RASSF4: variants seen among roughly 807,000 people sequenced by gnomAD.
RASSF4 encodes Ras association domain family member 4.
In RASSF4, 38 loss-of-function variants were observed where a neutral mutation model predicts 41.1. That is an observed-to-expected ratio of 0.92 (90% CI 0.71 to 1.21). RASSF4 has a LOEUF of 1.21. RASSF4 is among the 50% of genes most tolerant of loss of function. The pLI is 0.00. For missense variants in RASSF4, 414 were observed against 419.4 expected (o/e 0.99, Z 0.11); for synonymous variants, 179 against 163.4 (o/e 1.10, Z -0.73).
intron 7 of RASSF4, 61 bp downstream of exon 7, chr10:44,989,436 G>C: frequency 1.6e-6 from 2 of 1,285,336 alleles, no homozygotes; most frequent in South Asian, 2.5e-5. Flanking sequence ...TCTGTTGGGG[G>C]TGGGGTTCTG....
At chr10:44,961,798 G>C (rs1477486859) in intron 1 of RASSF4, among the ~76,000 whole-genome samples, 4 of 152,248 alleles carry the variant, frequency 2.6e-5, no homozygotes, top group Non-Finnish European at 5.9e-5. Flanking sequence ...TCACAGAGCA[G>C]AGCTTTAAAC....
rs376487459 is a variant in RASSF4, at chr10:44,966,302, G to T, written c.-38-3863G>T. Among the ~76,000 whole-genome samples, 5 of 152,264 alleles carry T rather than the reference G, an allele frequency of 3.3e-5. No homozygotes were observed. The East Asian group carries it at 7.7e-4, about 24-fold the overall frequency. On this transcript the variant is annotated intron_variant, in intron 1 of 10. Transcript: ENST00000340258. ...GTGTTCCTACTACATATGGCAAAAT[G>T]AACTTCTTCCCCACACACTATAGGA...
At chr10:44,981,926 T>TGG (rs1841723208) in intron 3 of RASSF4, 1 of 152,712 alleles carries the variant, frequency 6.5e-6, no homozygotes, top group East Asian at 1.9e-4. Context: ...TTGTAGAAAT[T>TGG]CTGGTATGGG....
At chr10:44,969,490 A>G (rs1363578021) in intron 1 of RASSF4, among the ~76,000 whole-genome samples, 1 of 152,186 alleles carries the variant, frequency 6.6e-6, no homozygotes, top group East Asian at 1.9e-4. Context: ...AATATAGAGA[A>G]GGTACTAAGA....
intron 4 of RASSF4, chr10:44,983,268 C>A (rs533104565): frequency 1.5e-5 from 4 of 262,358 alleles, no homozygotes; most frequent in Non-Finnish European, 3.0e-5. Context: ...AGAGCTTTGC[C>A]CCCTTCAGAT....
intron 1 of RASSF4, among the ~76,000 whole-genome samples, chr10:44,962,203 C>T (rs1477133162): frequency 3.3e-5 from 5 of 152,242 alleles, no homozygotes; most frequent in Non-Finnish European, 4.4e-5. Context: ...GTTAATGCCA[C>T]AGCAAAACTC....
chr10:44,965,897 G>A (rs1480817470), intron 1 of RASSF4, among the ~76,000 whole-genome samples: 1 of 152,192 alleles, frequency 6.6e-6, no homozygotes, highest in African/African-American at 2.4e-5. Context: ...CATGGCCGGA[G>A]ACACTCAACA....
At chr10:44,977,933 G>T in intron 3 of RASSF4, 1 of 1,612,620 alleles carries the variant, frequency 6.2e-7, no homozygotes, top group Non-Finnish European at 8.5e-7. Context: ...GCTAGGAGAG[G>T]GTGGGGGCTC....
rs1296715792 is a variant in RASSF4 at position 44,982,543 on chromosome 10, AG to A, written c.165del (p.Leu56SerfsTer8). ...CAGGAAGAAGGGACTCTGATCATCG[AG>A]GGGCTCCTCAACATTGCCTGGGGGC... ...HREEEGTLIIEGLLNIAWGLR... is the reference protein window; with the variant it reads ...HREEEGTLIIXGLLNIAWGLR... On this transcript the variant is annotated frameshift_variant, in exon 4 of 11. Transcript: ENST00000340258. LOFTEE classifies it high-confidence loss of function. 1 of 1,611,964 alleles carries A rather than the reference AG, an allele frequency of 6.2e-7. No homozygotes were observed. The highest frequency in any genetic ancestry group is 1.7e-5 in the Admixed American group (1 of 59,530).
chr10:44,970,053 C>T (rs926967445), intron 1 of RASSF4, 112 bp from the exon 2 acceptor site: 16 of 688,586 alleles, frequency 2.3e-5, no homozygotes, highest in South Asian at 1.3e-4. Context: ...TGTGCCAAGG[C>T]GGTGTGATGC....
Position 44,984,892 on chromosome 10 carries a change from C to T in RASSF4, c.453C>T (p.Pro151=), listed in dbSNP as rs1401244471. Residue 151 remains proline (P), a synonymous_variant, in exon 6 of 11, where the codon CCC becomes CCT. Coordinates refer to ENST00000340258, the MANE Select transcript of RASSF4 (RefSeq NM_032023.4). ...SDASCMSQRR[P]KCRAPGEAQR... Reference sequence around the variant, plus strand: ...CCAGTTGCATGAGCCAGAGGAGGCCCAAGTGCCGCGCCCCCGGTGAGGCCC... The same window carrying T: ...CCAGTTGCATGAGCCAGAGGAGGCCTAAGTGCCGCGCCCCCGGTGAGGCCC... The T allele has an allele frequency of 6.2e-7, 1 of 1,613,490 alleles. No homozygotes were observed. Among genetic ancestry groups the T allele is most frequent in the Non-Finnish European group, 8.5e-7 (1 of 1,180,042 alleles).
At chr10:44,971,643 T>C (rs776770453) in intron 2 of RASSF4, 130 bp from the exon 3 acceptor site, 1 of 789,812 alleles carries the variant, frequency 1.3e-6, no homozygotes, top group Non-Finnish European at 2.3e-6. Context: ...CCTCTGGTTA[T>C]GCCTGGCCGG....
At position 44,995,801 on chromosome 10, in the gene RASSF4, T is replaced by C. The variant is rs1588857329; in HGVS notation, c.*2472T>C. On this transcript the variant is annotated 3_prime_UTR_variant, in exon 11 of 11. Coordinates refer to ENST00000340258, the MANE Select transcript of RASSF4 (RefSeq NM_032023.4). ...ACTGGTTCCTGTGGGGAGCTCCCGC[T>C]TTCTTTCTACATAGAGCTTAGGGTA... is the stretch of plus-strand genomic sequence containing the variant. 1 of 152,198 alleles carries C rather than the reference T, an allele frequency of 6.6e-6. No homozygotes were observed. The highest frequency in any genetic ancestry group is 1.9e-4 in the East Asian group (1 of 5,196). 9.4% of individuals were successfully genotyped at this position (152,198 alleles called of 1,614,324 possible).
intron 4 of RASSF4, chr10:44,982,907 A>G: frequency 1.4e-6 from 1 of 695,582 alleles, no homozygotes; most frequent in African/African-American, 1.8e-5. Context: ...ACCTTCCTGC[A>G]AGCCACCTTG....
At chr10:44,984,767 G>A in intron 5 of RASSF4, 46 bp from the exon 6 acceptor site, 1 of 1,604,480 alleles carries the variant, frequency 6.2e-7, no homozygotes, top group African/African-American at 1.3e-5. Flanking sequence ...CAGTTGCTCT[G>A]TCAGCATCAC....
chr10:44,970,670 T>G, intron 2 of RASSF4: 1 of 160,950 alleles, frequency 6.2e-6, no homozygotes, highest in Non-Finnish European at 1.4e-5. Context: ...TATAAAGAAA[T>G]ACCTGAAGCT....
chr10:44,968,767 A>G (rs1448624340), intron 1 of RASSF4, among the ~76,000 whole-genome samples: 2 of 152,194 alleles, frequency 1.3e-5, no homozygotes, highest in Non-Finnish European at 2.9e-5. Flanking sequence ...ATTTGCACAC[A>G]CTCAGGTCGG....
chr10:44,962,569 A>G (rs1564448265), intron 1 of RASSF4, among the ~76,000 whole-genome samples: 1 of 152,204 alleles, frequency 6.6e-6, no homozygotes, highest in Non-Finnish European at 1.5e-5. Flanking sequence ...AGCCGTAGAG[A>G]GCCTCCAGAG....
At chr10:44,984,772 C>A in intron 5 of RASSF4, 41 bp from the exon 6 acceptor site, 1 of 1,606,038 alleles carries the variant, frequency 6.2e-7, no homozygotes. Flanking sequence ...GCTCTGTCAG[C>A]ATCACCCACC....
Sources: allele counts gnomAD v4.1 joint callset (sites outside exome capture counted in the v4.1 genomes callset), GRCh38; gene constraint gnomAD v4.1.1; transcripts MANE v1.5; gene names NCBI Gene and HGNC (gene_info 2026-07-23, HGNC 2026-07-21).